Variants in DPP6 observed in about 807,000 individuals in gnomAD.
DPP6 encodes A-type potassium channel modulatory protein DPP6.
In DPP6, 69 loss-of-function variants were observed where a neutral mutation model predicts 122.6. The observed-to-expected ratio is 0.56, with a 90% confidence interval of 0.46 to 0.69. The LOEUF is 0.69. Among genes scored for constraint, DPP6 ranks in the 30% least tolerant of loss-of-function variants. The pLI is 0.00. For missense variants in DPP6, 928 were observed against 1,116.9 expected (o/e 0.83, Z 2.41); for synonymous variants, 418 against 433.1 (o/e 0.97, Z 0.43).
intron 2 of DPP6, among the ~76,000 whole-genome samples, chr7:154,472,037 G>A (rs191403603): frequency 1.3e-5 from 2 of 152,134 alleles, no homozygotes; most frequent in African/African-American, 2.4e-5. Context: ...GAAAAAGCCC[G>A]AGGTGTGGGG....
intron 6 of DPP6, among the ~76,000 whole-genome samples, chr7:154,668,219 A>ATATGTGTGT (rs1554430259): frequency 3.7e-5 from 2 of 54,408 alleles, no homozygotes; most frequent in African/African-American, 8.8e-5. Flanking sequence ...ATATATATAT[A>ATATGTGTGT]ATATACACAT....
chr7:154,236,282 G>T lies in DPP6; in HGVS notation c.243+183219G>T, dbSNP rs116230905. On this transcript the variant is annotated intron_variant, in intron 1 of 25. Transcript: ENST00000377770. ...TGGTACATTTTAAACACCCTTAAAA[G>T]CTAAATATTATATATCATATTCTGC... Among the ~76,000 whole-genome samples the T allele has an allele frequency of 5.7e-3, 873 of 152,236 alleles. 12 individuals are homozygous for T. The highest frequency in any genetic ancestry group is 0.02 in the African/African-American group (814 of 41,524).
At chr7:154,264,019 G>A (rs1436041781) in intron 1 of DPP6, among the ~76,000 whole-genome samples, 1 of 152,084 alleles carries the variant, frequency 6.6e-6, no homozygotes, top group African/African-American at 2.4e-5. Flanking sequence ...GGAGGTCTGT[G>A]GGAACTGGTA....
intron 1 of DPP6, chr7:154,026,831 C>G (rs1798977005): frequency 6.6e-6 from 1 of 152,206 alleles, no homozygotes; most frequent in Non-Finnish European, 1.5e-5. Context: ...TTTCTGTAAT[C>G]TTTCATATGA....
At chr7:153,819,792 CTATT>C in the DPP6 span, among the ~76,000 whole-genome samples, 2 of 152,050 alleles carry the variant, frequency 1.3e-5, no homozygotes, top group Non-Finnish European at 2.9e-5. Flanking sequence ...TATTTTATCT[CTATT>C]TAAAAAATCA....
chr7:154,280,319 A>C (rs1452805437), intron 1 of DPP6, among the ~76,000 whole-genome samples: 1 of 152,190 alleles, frequency 6.6e-6, no homozygotes. Context: ...GAATCTCCCC[A>C]AGAAACTCCT....
intron 5 of DPP6, among the ~76,000 whole-genome samples, chr7:154,635,080 C>T (rs1835654545): frequency 6.6e-6 from 1 of 152,124 alleles, no homozygotes; most frequent in Admixed American, 6.6e-5. Context: ...CAGGCAATTT[C>T]CAAGGGATTG....
chr7:154,649,030 GCCCAGAGCAT>G (rs1469559090), intron 6 of DPP6, among the ~76,000 whole-genome samples: 2 of 152,102 alleles, frequency 1.3e-5, no homozygotes, highest in African/African-American at 2.4e-5. Context: ...AGTCCCACCT[GCCCAGAGCAT>G]CCTCCATACC....
chr7:154,583,173 T>G (rs145245570), intron 5 of DPP6, among the ~76,000 whole-genome samples: 24 of 152,342 alleles, frequency 1.6e-4, no homozygotes, highest in African/African-American at 5.5e-4. Flanking sequence ...TGGGCTGCCA[T>G]GGCAAAATAC....
chr7:154,594,230 T>A (rs1321223534), intron 5 of DPP6, among the ~76,000 whole-genome samples: 1 of 152,202 alleles, frequency 6.6e-6, no homozygotes, highest in African/African-American at 2.4e-5. Context: ...TTTCATGTTG[T>A]AAAAACACAC....
Position 154,855,147 on chromosome 7 carries a change from C to T in DPP6, c.1714+1320C>T, listed in dbSNP as rs74534207. ...AGGCTCCAAACGTGTGTTTAGACAC[C>T]GTGAAGTGGTCAAACTGTTCCAAAG... On this transcript the variant is annotated intron_variant, in intron 17 of 25. Coordinates refer to ENST00000377770, the MANE Select transcript of DPP6 (RefSeq NM_130797.4). Among the ~76,000 whole-genome samples the T allele has an allele frequency of 9.2e-3, 1,397 of 151,832 alleles. 17 individuals are homozygous for T. Among genetic ancestry groups the T allele is most frequent in the African/African-American group, 0.032 (1,322 of 41,242 alleles).
intron 1 of DPP6, among the ~76,000 whole-genome samples, chr7:154,168,808 G>A (rs1478843512): frequency 6.6e-6 from 1 of 152,216 alleles, no homozygotes; most frequent in Non-Finnish European, 1.5e-5. Flanking sequence ...GTTGAGCTAG[G>A]ATGCATGCTA....
At chr7:154,430,917 A>G (rs1015758415) in intron 1 of DPP6, among the ~76,000 whole-genome samples, 3 of 152,058 alleles carry the variant, frequency 2.0e-5, no homozygotes, top group Admixed American at 6.5e-5. Context: ...TAAGTCTTCC[A>G]TTCAGGAAAC....
intron 1 of DPP6, among the ~76,000 whole-genome samples, chr7:154,071,604 C>A (rs1803123722): frequency 6.6e-6 from 1 of 150,818 alleles, no homozygotes; most frequent in East Asian, 1.9e-4. Context: ...TACCCATGAC[C>A]CAGCTGTATA....
chr7:154,000,646 C>T (rs796593525), intron 1 of DPP6, among the ~76,000 whole-genome samples: 2 of 152,266 alleles, frequency 1.3e-5, no homozygotes, highest in African/African-American at 4.8e-5. Context: ...TTTTGGCTTT[C>T]AAGTTTTCAT....
the DPP6 span, among the ~76,000 whole-genome samples, chr7:153,815,453 G>A: frequency 5.3e-5 from 8 of 151,928 alleles, no homozygotes; most frequent in African/African-American, 1.9e-4. Context: ...GTGCCATGTT[G>A]GTGTGCTGCA....
intron 3 of DPP6, among the ~76,000 whole-genome samples, chr7:154,479,472 C>A (rs1823041697): frequency 6.6e-6 from 1 of 150,454 alleles, no homozygotes; most frequent in African/African-American, 2.5e-5. Context: ...GCAGCAGAAT[C>A]ACTCAAACCT....
At chr7:154,252,145 T>G (rs1307703077) in intron 1 of DPP6, among the ~76,000 whole-genome samples, 1 of 152,244 alleles carries the variant, frequency 6.6e-6, no homozygotes, top group African/African-American at 2.4e-5. Context: ...CTATTGGTTG[T>G]ATTCTATAAC....
Position 154,241,219 on chromosome 7 carries a change from G to A in DPP6, c.243+188156G>A, listed in dbSNP as rs865811955. Among the ~76,000 whole-genome samples, 62 of 142,864 alleles carry A rather than the reference G, an allele frequency of 4.3e-4. No homozygotes were observed. The highest frequency in any genetic ancestry group is 1.3e-3 in the African/African-American group (44 of 34,680). The allele number at this position is 142,864 out of a possible 152,430, so 93.7% of individuals were successfully genotyped here. A position where few individuals can be genotyped will look rare whatever the true frequency, so the allele number is the denominator to read the frequency against. ...TGTGTGTGTGTGTGTGTGTGTGTGT[G>A]TATATATATATAGAGAGAGAGAGAG... is the stretch of plus-strand genomic sequence containing the variant. On this transcript the variant is annotated intron_variant, in intron 1 of 25. Transcript: ENST00000377770. This position sits in a 1 kb window ranked among gnomAD's most constrained non-coding sequence, Gnocchi z 9.0.
Sources: gnomAD v4.1 joint callset for allele counts (sites outside exome capture counted in the v4.1 genomes callset) on GRCh38, gnomAD v4.1.1 for gene constraint, Gnocchi (gnomAD v3.1) non-coding constraint, MANE v1.5 for transcripts, NCBI Gene and HGNC (gene_info 2026-07-23, HGNC 2026-07-21) for gene names.